PDE4D: variants seen among roughly 807,000 people sequenced by gnomAD.
PDE4D encodes the protein 3',5'-cyclic-AMP phosphodiesterase 4D.
A neutral mutation model predicts 87.4 loss-of-function variants in PDE4D; 24 were observed. The ratio of observed to expected loss-of-function variants is 0.27; its 90% CI spans 0.20 to 0.39. The LOEUF (loss-of-function observed/expected upper bound fraction) is 0.39. PDE4D is among the 10% of genes least tolerant of loss of function. The pLI is 1.00. For synonymous variants in PDE4D, 384 were observed against 383.2 expected, an observed-to-expected ratio of 1.00 and a Z score of -0.02; for missense variants, 714 against 1,041.0, an observed-to-expected ratio of 0.69 and a Z score of 4.32.
intron 1 of PDE4D, among the ~76,000 whole-genome samples, chr5:59,720,504 C>T (rs1755672789): frequency 1.3e-5 from 2 of 152,272 alleles, no homozygotes; most frequent in African/African-American, 4.8e-5. Flanking sequence ...TAGAAATCTG[C>T]TTTGTAAACA....
chr5:60,084,285 G>A (rs1424091067), intron 2 of PDE4D, among the ~76,000 whole-genome samples: 2 of 152,182 alleles, frequency 1.3e-5, no homozygotes, highest in African/African-American at 4.8e-5. Context: ...TTTTATAATT[G>A]TAACTGAATT....
In PDE4D at chr5:60,076,926, C is replaced by T. The variant is rs143973393; in HGVS notation, c.43-88209G>A. ...CACAGCAGCAGTGGTGGCCACATGGCGACATGGCTTGGGGGCGGGGACCCC... is the reference window on the plus strand; with the variant it reads ...CACAGCAGCAGTGGTGGCCACATGGTGACATGGCTTGGGGGCGGGGACCCC... On this transcript the variant is annotated intron_variant, in intron 2 of 16. Transcript: ENST00000502484. Among the ~76,000 whole-genome samples the T allele has an allele frequency of 7.2e-3, 1,094 of 152,242 alleles. 11 individuals carry two copies. The highest frequency in any genetic ancestry group is 0.025 in the African/African-American group (1,046 of 41,544).
In PDE4D at chr5:59,009,325, T is replaced by A. The variant is rs549624074; in HGVS notation, c.922-15860A>T. 5.9e-5 allele frequency among the ~76,000 whole-genome samples: 9 copies of A among 152,252 alleles called. No homozygotes were observed. In the East Asian group the frequency reaches 1.7e-3, roughly 29 times the overall value. Reference sequence around the variant, plus strand: ...CAGAAACCCAGAAACAGTTCAGATATCAGTCAACTGGTGAATGGGTAAACA... The same window carrying A: ...CAGAAACCCAGAAACAGTTCAGATAACAGTCAACTGGTGAATGGGTAAACA... On this transcript the variant is annotated intron_variant, in intron 6 of 14. Transcript: ENST00000340635.
intron 1 of PDE4D, among the ~76,000 whole-genome samples, chr5:59,580,890 T>A (rs2153699822): frequency 6.6e-6 from 1 of 152,252 alleles, no homozygotes; most frequent in South Asian, 2.1e-4. Context: ...TTTTTTTAGT[T>A]TATTTATGTT....
intron 1 of PDE4D, among the ~76,000 whole-genome samples, chr5:59,394,726 A>G (rs555033180): frequency 3.9e-5 from 6 of 152,308 alleles, no homozygotes; most frequent in Non-Finnish European, 8.8e-5. Flanking sequence ...CAACAGGAGG[A>G]GCCAAGATGG....
intron 1 of PDE4D, among the ~76,000 whole-genome samples, chr5:60,362,377 T>G (rs563325445): frequency 1.3e-5 from 2 of 152,266 alleles, no homozygotes; most frequent in East Asian, 3.9e-4. Flanking sequence ...TTTACAAGGA[T>G]TTCATATTTT....
intron 3 of PDE4D, among the ~76,000 whole-genome samples, chr5:59,972,493 G>A (rs1405929038): frequency 6.6e-6 from 1 of 152,210 alleles, no homozygotes; most frequent in African/African-American, 2.4e-5. Context: ...AACCTAGGTC[G>A]CTCACAAAGA....
intron 1 of PDE4D, among the ~76,000 whole-genome samples, chr5:59,406,310 T>C (rs552026767): frequency 1.3e-5 from 2 of 152,076 alleles, no homozygotes; most frequent in South Asian, 2.1e-4. Flanking sequence ...TATTTGCATA[T>C]AGTTGCTCCT....
At chr5:59,601,165 A>G (rs1411009429) in intron 1 of PDE4D, among the ~76,000 whole-genome samples, 3 of 152,184 alleles carry the variant, frequency 2.0e-5, no homozygotes, top group African/African-American at 7.2e-5. Flanking sequence ...GCAGACTAAC[A>G]CATTCGTAAG....
intron 2 of PDE4D, among the ~76,000 whole-genome samples, chr5:60,069,330 T>A (rs1439544922): frequency 6.6e-6 from 1 of 152,206 alleles, no homozygotes; most frequent in South Asian, 2.1e-4. Context: ...TTCCACCATG[T>A]GAGACACAGT....
intron 6 of PDE4D, among the ~76,000 whole-genome samples, chr5:59,017,766 C>A (rs10040847): frequency 0.1 from 15,371 of 152,122 alleles, 1,036 homozygotes; most frequent in Non-Finnish European, 0.13. Flanking sequence ...TTTAGTACTC[C>A]TAGTTGGCAA....
intron 1 of PDE4D, among the ~76,000 whole-genome samples, chr5:60,502,253 A>G (rs42448): frequency 0.43 from 64,788 of 151,912 alleles, 14,185 homozygotes; most frequent in South Asian, 0.62. Context: ...CATTTATTAA[A>G]TAGGGAATCC....
At chr5:59,449,511 G>A (rs1798831787) in intron 1 of PDE4D, among the ~76,000 whole-genome samples, 1 of 152,110 alleles carries the variant, frequency 6.6e-6, no homozygotes, top group Non-Finnish European at 1.5e-5. Flanking sequence ...GCCTTTATAT[G>A]AATTTTTCAT....
At chr5:59,376,825 A>T (rs1784810491) in intron 1 of PDE4D, among the ~76,000 whole-genome samples, 1 of 152,184 alleles carries the variant, frequency 6.6e-6, no homozygotes. Context: ...TGGTACTGGT[A>T]CAAAAACAGA....
At chr5:59,289,518 G>A (rs1436573419) in intron 1 of PDE4D, among the ~76,000 whole-genome samples, 7 of 151,658 alleles carry the variant, frequency 4.6e-5, no homozygotes, top group Admixed American at 3.3e-4. Flanking sequence ...TCAAAAAATC[G>A]GGTATAAAAG....
At chr5:59,312,078 C>T (rs760975018) in intron 1 of PDE4D, among the ~76,000 whole-genome samples, 1 of 152,162 alleles carries the variant, frequency 6.6e-6, no homozygotes, top group Non-Finnish European at 1.5e-5. Context: ...CCCCACTTTA[C>T]ACCGGGCTCC....
chr5:59,529,095 A>G, intron 1 of PDE4D: 2 of 469,962 alleles, frequency 4.3e-6, no homozygotes, highest in South Asian at 1.7e-5. Flanking sequence ...GCAAATGTCT[A>G]TTCTAATTTC....
At position 59,543,588 on chromosome 5, in the gene PDE4D, T is replaced by C. The variant is rs547610222; in HGVS notation, c.456-327620A>G. On this transcript the variant is annotated intron_variant, in intron 1 of 14. Coordinates refer to ENST00000340635, the MANE Select transcript of PDE4D (RefSeq NM_001104631.2). The stretch of plus-strand genomic sequence containing the variant: ...GACAGGTTTAGAGAGGTCAACTGCC[T>C]GCTGGTTCATTCAGAAAAGATTAAC... 7.2e-4 allele frequency among the ~76,000 whole-genome samples: 110 copies of C among 152,254 alleles called. 1 individual carries two copies. The Middle Eastern group carries it at 0.014, about 19-fold the overall frequency.
At chr5:59,061,368 G>A (rs11958824) in intron 5 of PDE4D, among the ~76,000 whole-genome samples, 16 of 152,130 alleles carry the variant, frequency 1.1e-4, no homozygotes, top group African/African-American at 2.2e-4. Context: ...ATGAGGTTAC[G>A]GACCATGACT....
Sources: allele counts gnomAD v4.1 joint callset (sites outside exome capture counted in the v4.1 genomes callset), GRCh38; gene constraint gnomAD v4.1.1; transcripts MANE v1.5; gene names NCBI Gene and HGNC (gene_info 2026-07-23, HGNC 2026-07-21).